SCRN3: variants seen among roughly 807,000 people sequenced by gnomAD.
The protein encoded by SCRN3 is secernin-3.
A neutral mutation model predicts 43.1 loss-of-function variants in SCRN3; 39 were observed. That is an observed-to-expected ratio of 0.91 (90% CI 0.70 to 1.18). The LOEUF is 1.18. Ranked by LOEUF, SCRN3 falls within the 50% of genes most tolerant of loss-of-function variation. The pLI is 0.00. For missense variants in SCRN3, 484 were observed against 498.0 expected, an observed-to-expected ratio of 0.97 and a Z score of 0.27; for synonymous variants, 147 against 163.1, an observed-to-expected ratio of 0.90 and a Z score of 0.75.
intron 5 of SCRN3, among the ~76,000 whole-genome samples, chr2:174,405,742 A>G (rs1005244126): frequency 3.3e-5 from 5 of 150,480 alleles, no homozygotes; most frequent in Non-Finnish European, 7.4e-5. Flanking sequence ...TGTTTTTCTC[A>G]GGTTTGTCAA....
intron 5 of SCRN3, among the ~76,000 whole-genome samples, chr2:174,412,548 T>C (rs1685958069): frequency 6.6e-6 from 1 of 152,158 alleles, no homozygotes; most frequent in Non-Finnish European, 1.5e-5. Context: ...CTGTTGCTTT[T>C]TGCCCTCTCT....
At chr2:174,397,089 CAGAA>C (rs1201879257) in intron 1 of SCRN3, 1 of 982,958 alleles carries the variant, frequency 1.0e-6, no homozygotes, top group African/African-American at 1.7e-5. Context: ...AGTTGAAATA[CAGAA>C]AGAAAATAAC....
At chr2:174,398,194 C>T (rs1685386884) in intron 1 of SCRN3, 81 bp from the exon 2 acceptor site, 1 of 803,644 alleles carries the variant, frequency 1.2e-6, no homozygotes, top group Non-Finnish European at 1.9e-6. Context: ...CAATAATATC[C>T]TTTGGTCATT....
Position 174,428,127 on chromosome 2 carries a change from G to T in SCRN3, c.*232G>T. On this transcript the variant is annotated 3_prime_UTR_variant, in exon 8 of 8. Transcript: ENST00000272732. ...ATCGTGGGATACAGGTGTTATTTCA[G>T]GTGATGTACTTGCATTATTTTCTTT... is the stretch of plus-strand genomic sequence containing the variant. The T allele has an allele frequency of 6.8e-6, 2 of 293,016 alleles. No homozygotes were observed. The highest frequency in any genetic ancestry group is 1.3e-5 in the Non-Finnish European group (2 of 157,722). The allele number at this position is 293,016 out of a possible 1,614,324, so 18.2% of individuals were successfully genotyped here. A position where few individuals can be genotyped will look rare whatever the true frequency, so the allele number is the denominator to read the frequency against.
intron 4 of SCRN3, among the ~76,000 whole-genome samples, chr2:174,403,268 T>C (rs1405581324): frequency 6.6e-6 from 1 of 151,778 alleles, no homozygotes; most frequent in Non-Finnish European, 1.5e-5. Flanking sequence ...AAGGTAAGAA[T>C]GTACAGCTAG....
rs1686552411 is a variant in SCRN3, at chr2:174,428,067, A to G, written c.*172A>G. 4.9e-6 allele frequency: 2 copies of G among 411,036 alleles called. No individual in the cohort carries two copies. Among genetic ancestry groups the G allele is most frequent in the East Asian group, 3.7e-5 (1 of 27,328 alleles). 25.5% of individuals were successfully genotyped at this position (411,036 alleles called of 1,614,324 possible). A position where few individuals can be genotyped will look rare whatever the true frequency, so the allele number is the denominator to read the frequency against. On this transcript the variant is annotated 3_prime_UTR_variant, in exon 8 of 8. Transcript: ENST00000272732. ...TTAAACTACGTATAGTGTTGCTGAA[A>G]TAGAAAGAAAACAGCATTGGAATTG...
intron 1 of SCRN3, 164 bp downstream of exon 1, chr2:174,395,981 C>G: frequency 7.3e-7 from 1 of 1,378,158 alleles, no homozygotes. Context: ...GGCGGCCCTT[C>G]GACCAAAGGT....
In SCRN3 at chr2:174,422,767, T is replaced by C. The variant is rs548479043; in HGVS notation, c.755-118T>C. 55 of 573,278 alleles carry C rather than the reference T, an allele frequency of 9.6e-5. 1 individual carries two copies. In the Middle Eastern group the frequency reaches 2.8e-3, roughly 29 times the overall value. 35.5% of individuals were successfully genotyped at this position (573,278 alleles called of 1,614,324 possible). A position where few individuals can be genotyped will look rare whatever the true frequency, so the allele number is the denominator to read the frequency against. Reference sequence around the variant, plus strand: ...TGATACAAAGTTTGTTTATAGTCAGTCTCTTAATTTATGTCAAGACTAATA... The same window carrying C: ...TGATACAAAGTTTGTTTATAGTCAGCCTCTTAATTTATGTCAAGACTAATA... On this transcript the variant is annotated intron_variant, in intron 5 of 7. Transcript: ENST00000272732.
rs1259332774 is a variant in SCRN3 at position 174,396,356 on chromosome 2, T to C, written c.-10+539T>C. 5.1e-6 allele frequency: 5 copies of C among 983,118 alleles called. No individual in the cohort carries two copies. The Admixed American group carries it at 3.1e-4, about 60-fold the overall frequency. 60.9% of individuals were successfully genotyped at this position (983,118 alleles called of 1,614,324 possible). ...GGTGCAATTCTAACCAGGGGGCAAG[T>C]TTCCTTAGCTTTCCCTACGACCCCA... On this transcript the variant is annotated intron_variant, in intron 1 of 7. Coordinates refer to ENST00000272732, the MANE Select transcript of SCRN3 (RefSeq NM_024583.5).
intron 5 of SCRN3, chr2:174,410,290 T>G (rs1000676112): frequency 2.0e-5 from 3 of 150,872 alleles, no homozygotes; most frequent in African/African-American, 7.3e-5. Flanking sequence ...GCTTCCCAGG[T>G]GAGGCAATGC....
intron 6 of SCRN3, 49 bp from the exon 7 acceptor site, chr2:174,424,426 A>G: frequency 7.7e-7 from 1 of 1,303,556 alleles, no homozygotes; most frequent in Non-Finnish European, 1.1e-6. Context: ...CTAACACTGA[A>G]TATTTTTATA....
At position 174,401,013 on chromosome 2, in the gene SCRN3, C is replaced by T. The variant is rs768323843; in HGVS notation, c.365C>T (p.Thr122Ile). 2 of 1,612,842 alleles carry T rather than the reference C, an allele frequency of 1.2e-6. No individual in the cohort carries two copies. Among genetic ancestry groups the T allele is most frequent in the East Asian group, 2.2e-5 (1 of 44,852 alleles). ...AGACTTGGCCTTGAAAGAGCTGATA[C>T]AGCTGAAAAAGCCCTCAATGTCATT... Reference protein sequence around the residue: ...LVRLGLERADTAEKALNVIVD... With the variant: ...LVRLGLERADIAEKALNVIVD... The change falls in exon 4 of 8, where the codon ACA (threonine) becomes ATA (isoleucine). Residue 122 changes from threonine to isoleucine, a missense_variant. Transcript: ENST00000272732.
Position 174,404,089 on chromosome 2 carries a change from T to C in SCRN3, c.542-14T>C. 1 of 1,601,978 alleles carries C rather than the reference T, an allele frequency of 6.2e-7. No homozygotes were observed. Among genetic ancestry groups the C allele is most frequent in the Admixed American group, 1.7e-5 (1 of 59,780 alleles). ...ACTTTTCTTCTCCTTTCTCCTCTTCTTCTTTGAAAATAGAGGGAGTTCGTA... is the reference window on the plus strand; with the variant it reads ...ACTTTTCTTCTCCTTTCTCCTCTTCCTCTTTGAAAATAGAGGGAGTTCGTA... On this transcript the variant is annotated splice_polypyrimidine_tract_variant and intron_variant, in intron 4 of 7. Coordinates refer to ENST00000272732, the MANE Select transcript of SCRN3 (RefSeq NM_024583.5).
intron 4 of SCRN3, among the ~76,000 whole-genome samples, chr2:174,403,421 A>G (rs1366150907): frequency 1.3e-5 from 2 of 152,218 alleles, no homozygotes; most frequent in Non-Finnish European, 2.9e-5. Flanking sequence ...ACGCAAGTAT[A>G]GCAGCTTTTT....
At chr2:174,420,447 A>G (rs1226693628) in intron 5 of SCRN3, among the ~76,000 whole-genome samples, 1 of 152,244 alleles carries the variant, frequency 6.6e-6, no homozygotes, top group African/African-American at 2.4e-5. Flanking sequence ...AATGGAAAGT[A>G]TCAGGCATGC....
intron 5 of SCRN3, among the ~76,000 whole-genome samples, chr2:174,418,807 T>G (rs1295653266): frequency 6.6e-6 from 1 of 152,240 alleles, no homozygotes; most frequent in South Asian, 2.1e-4. Flanking sequence ...CTTTATTGTT[T>G]AGTTTTAATA....
chr2:174,416,403 G>A (rs1039916915), intron 5 of SCRN3, among the ~76,000 whole-genome samples: 19 of 152,246 alleles, frequency 1.2e-4, no homozygotes, highest in African/African-American at 3.9e-4. Context: ...GTGAACAGTT[G>A]GAAATGCCAT....
rs757603980 is a variant in SCRN3 at position 174,422,869 on chromosome 2, A to G, written c.755-16A>G. The G allele has an allele frequency of 3.8e-5, 59 of 1,567,784 alleles. No individual in the cohort carries two copies. In the East Asian group the frequency reaches 5.4e-4, roughly 14 times the overall value. The stretch of plus-strand genomic sequence containing the variant: ...TATGCATATGTATTTGATGATTTTA[A>G]AAATTATTTCTCTAGGAAATATAAC... On this transcript the variant is annotated splice_polypyrimidine_tract_variant and intron_variant, in intron 5 of 7. Transcript: ENST00000272732.
intron 5 of SCRN3, among the ~76,000 whole-genome samples, chr2:174,419,496 C>T (rs981153416): frequency 6.6e-6 from 1 of 152,156 alleles, no homozygotes; most frequent in South Asian, 2.1e-4. Flanking sequence ...CCTCCTGCCT[C>T]AGCCTCCTGA....
Sources: allele counts gnomAD v4.1 joint callset (sites outside exome capture counted in the v4.1 genomes callset), GRCh38; gene constraint gnomAD v4.1.1; transcripts MANE v1.5; gene names NCBI Gene and HGNC (gene_info 2026-07-23, HGNC 2026-07-21).